PTGFR: variants seen among roughly 807,000 people sequenced by gnomAD.
PTGFR encodes prostaglandin F2-alpha receptor.
Under a neutral mutation model 26.2 loss-of-function variants are expected in PTGFR, and 15 were observed. The observed-to-expected ratio is 0.57, with a 90% CI of 0.38 to 0.88. The LOEUF (loss-of-function observed/expected upper bound fraction) is 0.88. PTGFR is among the 40% of genes least tolerant of loss of function. The probability of loss-of-function intolerance (pLI) is 0.00; values close to 1 mark genes in which losing one functional copy is unlikely to be tolerated. For synonymous variants in PTGFR, 165 were observed against 151.1 expected (o/e 1.09, Z -0.68); for missense variants, 369 against 427.2 (o/e 0.86, Z 1.20).
intron 2 of PTGFR, among the ~76,000 whole-genome samples, chr1:78,502,553 T>G (rs1158217535): frequency 1.3e-5 from 2 of 152,196 alleles, no homozygotes; most frequent in Non-Finnish European, 2.9e-5. Context: ...TACCATATGC[T>G]TCAGTTATTA....
At chr1:78,521,227 A>G (rs906646503) in intron 2 of PTGFR, among the ~76,000 whole-genome samples, 3 of 152,156 alleles carry the variant, frequency 2.0e-5, no homozygotes, top group Admixed American at 2.0e-4. Context: ...GGGAAAAACA[A>G]TTATTAAGAG....
At position 78,526,202 on chromosome 1, in the gene PTGFR, G is replaced by A. The variant is rs61769141; in HGVS notation, c.799-10204G>A. On this transcript the variant is annotated intron_variant, in intron 2 of 2. Transcript: ENST00000370757. Reference sequence around the variant, plus strand: ...ATTGCTAGATCTTTATTTTAAAGTGGTCTCCTATTCAGCAATAGAAAATTG... The same window carrying A: ...ATTGCTAGATCTTTATTTTAAAGTGATCTCCTATTCAGCAATAGAAAATTG... 6.7e-3 allele frequency among the ~76,000 whole-genome samples: 1,023 copies of A among 152,074 alleles called. 5 individuals carry two copies. Among genetic ancestry groups the A allele is most frequent in the Middle Eastern group, 0.017 (5 of 294 alleles).
chr1:78,526,864 G>A (rs994543503), intron 2 of PTGFR, among the ~76,000 whole-genome samples: 13 of 152,070 alleles, frequency 8.5e-5, no homozygotes, highest in South Asian at 4.1e-4. Context: ...TGTGCTGATC[G>A]TAGAATTAAC....
At chr1:78,519,588 T>A (rs773504919) in intron 2 of PTGFR, among the ~76,000 whole-genome samples, 23 of 152,076 alleles carry the variant, frequency 1.5e-4, no homozygotes, top group Non-Finnish European at 3.2e-4. Context: ...TGTGCACATG[T>A]GCTACAGGGG....
At chr1:78,530,023 G>A (rs930939864) in intron 2 of PTGFR, among the ~76,000 whole-genome samples, 7 of 152,098 alleles carry the variant, frequency 4.6e-5, no homozygotes, top group African/African-American at 1.7e-4. Flanking sequence ...CTGGTCTCTG[G>A]TGCCAAAAAG....
At chr1:78,524,744 AT>A (rs1650327250) in intron 2 of PTGFR, among the ~76,000 whole-genome samples, 1 of 151,770 alleles carries the variant, frequency 6.6e-6, no homozygotes, top group African/African-American at 2.4e-5. Context: ...TGCTTTGGTT[AT>A]TTTTTCTCCT....
At chr1:78,503,703 T>C (rs1331041583) in intron 2 of PTGFR, among the ~76,000 whole-genome samples, 1 of 152,194 alleles carries the variant, frequency 6.6e-6, no homozygotes. Flanking sequence ...TTTCCACTTT[T>C]ACTATGGGGT....
chr1:78,502,037 G>A (rs927013778), intron 2 of PTGFR, among the ~76,000 whole-genome samples: 1 of 152,250 alleles, frequency 6.6e-6, no homozygotes, highest in African/African-American at 2.4e-5. Context: ...AAGAAGGATT[G>A]GTTGCAGTAG....
intron 2 of PTGFR, among the ~76,000 whole-genome samples, chr1:78,530,883 T>G (rs1650490777): frequency 6.6e-6 from 1 of 151,810 alleles, no homozygotes; most frequent in Non-Finnish European, 1.5e-5. Flanking sequence ...CTTGGGCAAG[T>G]TAATGTGTCT....
At position 78,493,466 on chromosome 1, in the gene PTGFR, A is replaced by T; in HGVS notation, c.723A>T (p.Arg241Ser). 6.3e-7 allele frequency: 1 copy of T among 1,599,144 alleles called. No individual in the cohort carries two copies. The highest frequency in any genetic ancestry group is 8.5e-7 in the Non-Finnish European group (1 of 1,172,998). ...AAAGTCAGCAGCACAGACAAGGCAG[A>T]TCTCATCATTTGGAAATGGTAATCC... Reference protein sequence around the residue: ...KFKSQQHRQGRSHHLEMVIQL... With the variant: ...KFKSQQHRQGSSHHLEMVIQL... The change falls in exon 2 of 3, where the codon AGA becomes AGT. Residue 241 changes from arginine (R) to serine (S), a missense_variant. Arg to Ser is a moderately radical substitution (Grantham distance 110, BLOSUM62 -1). Coordinates refer to ENST00000370757, the MANE Select transcript of PTGFR (RefSeq NM_000959.4).
rs576090698 is a variant in PTGFR at position 78,506,681 on chromosome 1, A to G, written c.798+13140A>G. ...AGGATACTGAGTATAGTCTAATAAAATGTAATAACCTAATAAATATAATAG... is the reference window on the plus strand; with the variant it reads ...AGGATACTGAGTATAGTCTAATAAAGTGTAATAACCTAATAAATATAATAG... On this transcript the variant is annotated intron_variant, in intron 2 of 2. Transcript: ENST00000370757. Among the ~76,000 whole-genome samples the G allele has an allele frequency of 3.9e-5, 6 of 152,250 alleles. No individual in the cohort carries two copies. The East Asian group carries it at 9.6e-4, about 24-fold the overall frequency.
intron 2 of PTGFR, among the ~76,000 whole-genome samples, chr1:78,528,285 G>A (rs1570296987): frequency 3.2e-5 from 1 of 31,730 alleles, no homozygotes. Context: ...AGTAAGTTCA[G>A]AAAGTTAGCA....
At chr1:78,523,496 C>T (rs935921514) in intron 2 of PTGFR, among the ~76,000 whole-genome samples, 1 of 151,970 alleles carries the variant, frequency 6.6e-6, no homozygotes, top group African/African-American at 2.4e-5. Context: ...GAAAAGAAGT[C>T]TGAGCTGAAG....
chr1:78,504,685 C>G (rs1163615647), intron 2 of PTGFR, among the ~76,000 whole-genome samples: 1 of 152,050 alleles, frequency 6.6e-6, no homozygotes, highest in Non-Finnish European at 1.5e-5. Context: ...CAATTTTCCC[C>G]ATTCATCATT....
At chr1:78,512,120 T>C (rs902142516) in intron 2 of PTGFR, among the ~76,000 whole-genome samples, 1 of 152,176 alleles carries the variant, frequency 6.6e-6, no homozygotes, top group African/African-American at 2.4e-5. Flanking sequence ...ATTTAATCAG[T>C]CTCTAACAAG....
intron 2 of PTGFR, among the ~76,000 whole-genome samples, chr1:78,516,440 T>TAGAGA: frequency 1.3e-5 from 2 of 152,336 alleles, no homozygotes; most frequent in East Asian, 1.9e-4. Context: ...TTGTGATATG[T>TAGAGA]AGAGAAAAGT....
intron 2 of PTGFR, among the ~76,000 whole-genome samples, chr1:78,499,907 C>T (rs530662777): frequency 6.0e-4 from 91 of 152,120 alleles, no homozygotes; most frequent in African/African-American, 2.0e-3. Context: ...AGCCATTAAT[C>T]GATGTTTATT....
At chr1:78,518,240 C>G (rs1650138827) in intron 2 of PTGFR, among the ~76,000 whole-genome samples, 1 of 152,022 alleles carries the variant, frequency 6.6e-6, no homozygotes, top group Non-Finnish European at 1.5e-5. Flanking sequence ...TCTATTCTAC[C>G]TGGTTAATAA....
chr1:78,540,524 G>A lies in PTGFR; in HGVS notation c.*3837G>A, dbSNP rs1650771129. ...ATGGTCTTGTAATCTGTAAAGATAA[G>A]GTAGAATAAATGAACTAAAAGAAAT... On this transcript the variant is annotated 3_prime_UTR_variant, in exon 3 of 3. Transcript: ENST00000370757. Among the ~76,000 whole-genome samples, 1 of 151,968 alleles carries A rather than the reference G, an allele frequency of 6.6e-6. No individual in the cohort carries two copies. Among genetic ancestry groups the A allele is most frequent in the African/African-American group, 2.4e-5 (1 of 41,410 alleles).
Sources: allele counts gnomAD v4.1 joint callset (sites outside exome capture counted in the v4.1 genomes callset), GRCh38; gene constraint gnomAD v4.1.1; transcripts MANE v1.5; gene names NCBI Gene and HGNC (gene_info 2026-07-23, HGNC 2026-07-21).